Variants in OPCML observed in about 807,000 individuals in gnomAD.
OPCML encodes opioid-binding protein/cell adhesion molecule.
Under a neutral mutation model 37.8 loss-of-function variants are expected in OPCML, and 13 were observed. The ratio of observed to expected loss-of-function variants is 0.34; its 90% CI spans 0.22 to 0.55. OPCML has a LOEUF of 0.55. Ranked by LOEUF, OPCML falls within the 20% of genes least tolerant of loss-of-function variation. OPCML has a pLI of 0.91. For missense variants in OPCML, 341 were observed against 435.6 expected (o/e 0.78, Z 1.93); for synonymous variants, 176 against 168.8 (o/e 1.04, Z -0.33).
intron 4 of OPCML, among the ~76,000 whole-genome samples, chr11:132,438,170 T>C (rs1317668303): frequency 6.6e-6 from 1 of 152,248 alleles, no homozygotes; most frequent in East Asian, 1.9e-4. Flanking sequence ...TTACAGGTTC[T>C]TGCAACAATC....
chr11:132,725,616 A>C (rs113295406), intron 2 of OPCML, among the ~76,000 whole-genome samples: 7,943 of 152,114 alleles, frequency 0.052, 424 homozygotes, highest in African/African-American at 0.14. Context: ...GTTAGGCTGC[A>C]AATTTTCCAA....
chr11:133,520,925 C>G (rs993406564), intron 1 of OPCML, among the ~76,000 whole-genome samples: 1 of 152,286 alleles, frequency 6.6e-6, no homozygotes, highest in South Asian at 2.1e-4. Context: ...AACATTGACT[C>G]ATGCCTGGGA....
intron 1 of OPCML, chr11:133,118,342 A>G (rs1283268356): frequency 1.0e-6 from 1 of 985,270 alleles, no homozygotes; most frequent in Non-Finnish European, 1.2e-6. Context: ...AGGCTGGTGC[A>G]AGGACATGCC....
At chr11:132,424,029 A>G (rs2095969183) in intron 7 of OPCML, among the ~76,000 whole-genome samples, 1 of 152,220 alleles carries the variant, frequency 6.6e-6, no homozygotes, top group Non-Finnish European at 1.5e-5. Flanking sequence ...ATTTCAATAT[A>G]TAGGGTCAGA....
chr11:133,020,849 C>CT (rs937219507), intron 1 of OPCML, among the ~76,000 whole-genome samples: 14 of 151,664 alleles, frequency 9.2e-5, no homozygotes, highest in African/African-American at 2.4e-4. Flanking sequence ...CAGTAAGAAA[C>CT]TTTTTTTTTC....
chr11:133,048,607 C>T (rs549534566), intron 1 of OPCML, among the ~76,000 whole-genome samples: 2 of 152,298 alleles, frequency 1.3e-5, no homozygotes, highest in East Asian at 1.9e-4. Context: ...GTGCCACTTA[C>T]TTACTTAGAA....
chr11:132,463,930 G>A (rs1381728446), intron 4 of OPCML, among the ~76,000 whole-genome samples: 1 of 152,110 alleles, frequency 6.6e-6, no homozygotes, highest in African/African-American at 2.4e-5. Context: ...TGTAGTCTTG[G>A]GCAAGTAATT....
chr11:133,494,729 G>A (rs1947743853), intron 1 of OPCML, among the ~76,000 whole-genome samples: 1 of 123,360 alleles, frequency 8.1e-6, no homozygotes, highest in African/African-American at 4.3e-5. Context: ...TGTGGGGCGG[G>A]GGGACGGGGG....
intron 1 of OPCML, among the ~76,000 whole-genome samples, chr11:133,035,183 C>G (rs936942232): frequency 1.3e-5 from 2 of 152,174 alleles, no homozygotes; most frequent in African/African-American, 4.8e-5. Flanking sequence ...GCAGCCAGCC[C>G]GACAGGGGAG....
chr11:133,026,475 C>T, intron 1 of OPCML: 1 of 985,430 alleles, frequency 1.0e-6, no homozygotes, highest in Non-Finnish European at 1.2e-6. Flanking sequence ...TCATCCTGAA[C>T]ATCCTCCACG....
chr11:133,299,379 A>C lies in OPCML; in HGVS notation c.61+232885T>G, dbSNP rs575144604. On this transcript the variant is annotated intron_variant, in intron 1 of 7. Transcript: ENST00000524381. Reference sequence around the variant, plus strand: ...GCTTTAATGGAAGTTGCTGGGGTTGAAGCTCTGAGGCCAATAGTGGCAAAG... The same window carrying C: ...GCTTTAATGGAAGTTGCTGGGGTTGCAGCTCTGAGGCCAATAGTGGCAAAG... 10 of 152,392 alleles carry C rather than the reference A, an allele frequency of 6.6e-5. No homozygotes were observed. In the East Asian group the frequency reaches 1.7e-3, roughly 26 times the overall value. The allele number at this position is 152,392 out of a possible 1,614,324, so 9.4% of individuals were successfully genotyped here.
Position 133,410,634 on chromosome 11 carries a change from T to TAAAAAAAAAAA in OPCML, c.61+121619_61+121629dup, listed in dbSNP as rs71038527. On this transcript the variant is annotated intron_variant, in intron 1 of 7. Coordinates refer to ENST00000524381, the MANE Select transcript of OPCML (RefSeq NM_001012393.5). ...TGAAAGCACACGTTAAGAAAAAAAG[T>TAAAAAAAAAAA]AAAAAAAAAAAAAAAAAAAAAAAAA... Among the ~76,000 whole-genome samples the TAAAAAAAAAAA allele has an allele frequency of 8.9e-4, 42 of 47,014 alleles. 11 individuals are homozygous for TAAAAAAAAAAA. Among genetic ancestry groups the TAAAAAAAAAAA allele is most frequent in the Non-Finnish European group, 1.2e-3 (28 of 22,818 alleles). The allele number at this position is 47,014 out of a possible 152,430, so 30.8% of individuals were successfully genotyped here.
chr11:132,616,715 A>G (rs1364845563), intron 3 of OPCML, among the ~76,000 whole-genome samples: 1 of 152,252 alleles, frequency 6.6e-6, no homozygotes, highest in Admixed American at 6.5e-5. Context: ...ATGTGAAAGC[A>G]TATTCAAGGA....
chr11:132,843,353 C>T (rs1941383181), intron 2 of OPCML, among the ~76,000 whole-genome samples: 1 of 152,040 alleles, frequency 6.6e-6, no homozygotes, highest in Admixed American at 6.5e-5. Flanking sequence ...CCCGCCTTGG[C>T]CTCCCAAAGT....
At chr11:132,932,487 A>G (rs944127686) in intron 2 of OPCML, among the ~76,000 whole-genome samples, 27 of 151,960 alleles carry the variant, frequency 1.8e-4, no homozygotes, top group African/African-American at 6.3e-4. Context: ...CCCTCTTTTT[A>G]TCCCTCTCTC....
At chr11:133,218,285 T>A (rs1047594717) in intron 1 of OPCML, among the ~76,000 whole-genome samples, 1 of 152,116 alleles carries the variant, frequency 6.6e-6, no homozygotes, top group African/African-American at 2.4e-5. Context: ...TCTGTCAAGT[T>A]CCCGAGACAC....
At chr11:133,191,822 C>T (rs1193186739) in intron 1 of OPCML, among the ~76,000 whole-genome samples, 3 of 152,166 alleles carry the variant, frequency 2.0e-5, no homozygotes, top group Non-Finnish European at 4.4e-5. Context: ...CCAGCAATCT[C>T]ACAGATGCCC....
chr11:132,933,239 G>A (rs541990347), intron 2 of OPCML, among the ~76,000 whole-genome samples: 1 of 152,288 alleles, frequency 6.6e-6, no homozygotes, highest in South Asian at 2.1e-4. Flanking sequence ...GTTTAGAGAT[G>A]ACTCACATTG....
chr11:133,185,463 A>G (rs1004435528), intron 1 of OPCML, among the ~76,000 whole-genome samples: 3 of 152,234 alleles, frequency 2.0e-5, no homozygotes, highest in Middle Eastern at 3.2e-3. Flanking sequence ...GGGAAGGTAG[A>G]CAGCCGTCTA....
Sources: allele counts gnomAD v4.1 joint callset (sites outside exome capture counted in the v4.1 genomes callset), GRCh38; gene constraint gnomAD v4.1.1; transcripts MANE v1.5; gene names NCBI Gene and HGNC (gene_info 2026-07-23, HGNC 2026-07-21).